The following SLC7A6 variants were observed in gnomAD, a reference collection of about 807,000 sequenced individuals.
SLC7A6 encodes Y+L amino acid transporter 2.
In SLC7A6, 29 loss-of-function variants were observed where a neutral mutation model predicts 46.6. The ratio of observed to expected loss-of-function variants is 0.62; its 90% confidence interval spans 0.46 to 0.85. The LOEUF is 0.85. Among genes scored for constraint, SLC7A6 ranks in the 40% least tolerant of loss-of-function variants. The probability of loss-of-function intolerance (pLI) is 0.00; values close to 1 mark genes in which losing one functional copy is unlikely to be tolerated. For synonymous variants in SLC7A6, 276 were observed against 257.3 expected (o/e 1.07, Z -0.70); for missense variants, 527 against 647.6 (o/e 0.81, Z 2.02).
At chr16:68,269,200 C>A (rs2042584041) in intron 2 of SLC7A6, among the ~76,000 whole-genome samples, 1 of 152,134 alleles carries the variant, frequency 6.6e-6, no homozygotes, top group Non-Finnish European at 1.5e-5. Flanking sequence ...ATGTATCAAA[C>A]ACAATTATTT....
At chr16:68,291,721 C>T in intron 7 of SLC7A6, 60 bp downstream of exon 7, 1 of 1,448,212 alleles carries the variant, frequency 6.9e-7, no homozygotes, top group Non-Finnish European at 9.6e-7. Flanking sequence ...GGGGCTTAGG[C>T]ATAAGAGTTC....
intron 2 of SLC7A6, 21 bp from the exon 3 acceptor site, chr16:68,274,670 C>G: frequency 6.3e-7 from 1 of 1,597,182 alleles, no homozygotes. Context: ...CCTAGACTGA[C>G]ATACTTGTAT....
In SLC7A6 at chr16:68,297,732, AC is replaced by A. The variant is rs970989720; in HGVS notation, c.*406del. 1.3e-5 allele frequency: 2 copies of A among 157,168 alleles called. No individual in the cohort carries two copies. Among genetic ancestry groups the A allele is most frequent in the Non-Finnish European group, 2.8e-5 (2 of 71,372 alleles). The allele number at this position is 157,168 out of a possible 1,614,324, so 9.7% of individuals were successfully genotyped here. On this transcript the variant is annotated 3_prime_UTR_variant, in exon 11 of 11. Transcript: ENST00000219343. ...CTGCTTTATGGGAAGTTTTTCTCTGACCAGGTACAACACCTGACTTTAAAGG... is the reference window on the plus strand; with the variant it reads ...CTGCTTTATGGGAAGTTTTTCTCTGACAGGTACAACACCTGACTTTAAAGG...
intron 2 of SLC7A6, among the ~76,000 whole-genome samples, chr16:68,269,753 CAAA>C (rs11306082): frequency 8.5e-5 from 12 of 141,762 alleles, no homozygotes; most frequent in Non-Finnish European, 7.7e-5. Context: ...GACTCTGTCT[CAAA>C]AAAAAAAAAA....
chr16:68,284,556 T>C (rs926302959), intron 3 of SLC7A6: 29 of 624,948 alleles, frequency 4.6e-5, no homozygotes, highest in Non-Finnish European at 5.6e-5. Context: ...TTCCACTGTG[T>C]GTAATATTTA....
intron 2 of SLC7A6, among the ~76,000 whole-genome samples, chr16:68,267,516 T>C (rs2042556216): frequency 6.6e-6 from 1 of 152,114 alleles, no homozygotes; most frequent in Admixed American, 6.6e-5. Context: ...CGCCTGGCCA[T>C]AACTCAGAGA....
At position 68,297,407 on chromosome 16, in the gene SLC7A6, T is replaced by C; in HGVS notation, c.*79T>C. On this transcript the variant is annotated 3_prime_UTR_variant, in exon 11 of 11. Coordinates refer to ENST00000219343, the MANE Select transcript of SLC7A6 (RefSeq NM_003983.6). Reference sequence around the variant, plus strand: ...GATAACAAGACTCTGTGGGCCCAACTCTCCTGAATTAAAGGAGCCTTTTGA... The same window carrying C: ...GATAACAAGACTCTGTGGGCCCAACCCTCCTGAATTAAAGGAGCCTTTTGA... The C allele has an allele frequency of 1.7e-6, 2 of 1,200,648 alleles. No homozygotes were observed. Among genetic ancestry groups the C allele is most frequent in the Non-Finnish European group, 2.4e-6 (2 of 827,066 alleles). The allele number at this position is 1,200,648 out of a possible 1,614,324, so 74.4% of individuals were successfully genotyped here. A position where few individuals can be genotyped will look rare whatever the true frequency, so the allele number is the denominator to read the frequency against.
At position 68,296,383 on chromosome 16, in the gene SLC7A6, A is replaced by G. The variant is rs1245991058; in HGVS notation, c.1139A>G (p.Tyr380Cys). ...CCACAGTGCACCATGGCACTCATCT[A>G]CCTCATCGTGGAGGATGTTTTCCAG... ...LLFNCTMALI[Y>C]LIVEDVFQLI... The change falls in exon 9 of 11, where the codon TAC becomes TGC. Residue 380 changes from tyrosine (Y) to cysteine (C), a missense_variant. By Grantham distance (194) the Tyr-to-Cys change is radical (BLOSUM62 -2). Coordinates refer to ENST00000219343, the MANE Select transcript of SLC7A6 (RefSeq NM_003983.6). The G allele has an allele frequency of 3.1e-6, 5 of 1,613,742 alleles. No individual in the cohort carries two copies. Among genetic ancestry groups the G allele is most frequent in the Admixed American group, 1.7e-5 (1 of 60,004 alleles).
chr16:68,279,385 A>T (rs574047328), intron 3 of SLC7A6, among the ~76,000 whole-genome samples: 85 of 152,326 alleles, frequency 5.6e-4, no homozygotes, highest in African/African-American at 1.7e-3. Context: ...ATACTCTTAG[A>T]AAACATGGTT....
In SLC7A6 at chr16:68,291,251, G is replaced by A. The variant is rs567431882; in HGVS notation, c.837G>A (p.Thr279=). ...TTGGGATTTCTATGCCAATTGTGACGCTCATCTACATCCTGACCAATGTGG... is the reference window on the plus strand; with the variant it reads ...TTGGGATTTCTATGCCAATTGTGACACTCATCTACATCCTGACCAATGTGG... ...LAIGISMPIV[T]LIYILTNVAY... The change falls in exon 6 of 11, where the codon ACG becomes ACA. Residue 279 remains threonine, a synonymous_variant. Coordinates refer to ENST00000219343, the MANE Select transcript of SLC7A6 (RefSeq NM_003983.6). 82 of 1,614,162 alleles carry A rather than the reference G, an allele frequency of 5.1e-5. 1 individual carries two copies. The South Asian group carries it at 7.9e-4, about 16-fold the overall frequency.
intron 3 of SLC7A6, among the ~76,000 whole-genome samples, chr16:68,276,724 A>G (rs1315754502): frequency 6.6e-6 from 1 of 152,128 alleles, no homozygotes; most frequent in East Asian, 1.9e-4. Context: ...TAGGCCAGGC[A>G]TGGTGGCTGA....
intron 10 of SLC7A6, among the ~76,000 whole-genome samples, chr16:68,297,023 A>G (rs1244962699): frequency 1.3e-5 from 2 of 152,168 alleles, no homozygotes; most frequent in Non-Finnish European, 1.5e-5. Context: ...TGACAACACA[A>G]ATCACCTGGG....
In SLC7A6 at chr16:68,291,630, G is replaced by T; in HGVS notation, c.991G>T (p.Gly331Cys). The change falls in exon 7 of 11, where the codon GGC (glycine) becomes TGC (cysteine). Residue 331 changes from glycine to cysteine, a missense_variant. Transcript: ENST00000219343. ...PIAVALSCFG[G>C]LNASIFASSR... ...TGCTGTTGCCCTGTCCTGCTTTGGG[G>T]GCCTCAATGCATCCATCTTTGCTTC... 12 of 1,614,068 alleles carry T rather than the reference G, an allele frequency of 7.4e-6. No individual in the cohort carries two copies. Among genetic ancestry groups the T allele is most frequent in the African/African-American group, 1.3e-5 (1 of 75,024 alleles).
intron 2 of SLC7A6, among the ~76,000 whole-genome samples, chr16:68,269,766 A>C (rs924671923): frequency 1.3e-5 from 2 of 151,658 alleles, no homozygotes; most frequent in African/African-American, 4.8e-5. Flanking sequence ...AAAAAAAAAA[A>C]AGAAAGAAAA....
chr16:68,275,679 T>C (rs944014527), intron 3 of SLC7A6, among the ~76,000 whole-genome samples: 2 of 152,012 alleles, frequency 1.3e-5, no homozygotes, highest in African/African-American at 4.8e-5. Flanking sequence ...TCTTACCTTT[T>C]GAGGAAGTAA....
At chr16:68,289,315 A>G (rs2043001271) in intron 4 of SLC7A6, among the ~76,000 whole-genome samples, 1 of 152,104 alleles carries the variant, frequency 6.6e-6, no homozygotes, top group Admixed American at 6.5e-5. Context: ...AAAGAAAAAG[A>G]AAAAAAGAAT....
intron 2 of SLC7A6, among the ~76,000 whole-genome samples, chr16:68,271,372 A>G (rs1238013811): frequency 4.6e-5 from 7 of 152,160 alleles, no homozygotes; most frequent in Non-Finnish European, 7.3e-5. Context: ...TGGTGTGATC[A>G]TGGCTCACTG....
intron 5 of SLC7A6, chr16:68,290,870 T>C (rs1275582088): frequency 1.1e-5 from 5 of 465,580 alleles, no homozygotes; most frequent in South Asian, 2.2e-5. Flanking sequence ...CCAAAACTTA[T>C]TCTGGCCAGC....
intron 3 of SLC7A6, among the ~76,000 whole-genome samples, chr16:68,276,877 C>A (rs1461607749): frequency 6.6e-6 from 1 of 151,740 alleles, no homozygotes; most frequent in Non-Finnish European, 1.5e-5. Flanking sequence ...TGCCTGTGGT[C>A]CCAGCAATTC....
Sources: gnomAD v4.1 joint callset for allele counts (sites outside exome capture counted in the v4.1 genomes callset) on GRCh38, gnomAD v4.1.1 for gene constraint, MANE v1.5 for transcripts, NCBI Gene and HGNC (gene_info 2026-07-23, HGNC 2026-07-21) for gene names.